The following CDH23 variants were observed in gnomAD, a reference collection of about 807,000 sequenced individuals.
The protein encoded by CDH23 is cadherin-23.
A neutral mutation model predicts 317.1 loss-of-function variants in CDH23; 189 were observed. The ratio of observed to expected loss-of-function variants is 0.60; its 90% CI spans 0.53 to 0.67. The LOEUF (loss-of-function observed/expected upper bound fraction) is 0.67, where lower values mean the gene tolerates loss of function less well. Ranked by LOEUF, CDH23 falls within the 30% of genes least tolerant of loss-of-function variation. The pLI is 0.00. For missense variants in CDH23, 4,401 were observed against 4,592.4 expected, an observed-to-expected ratio of 0.96 and a Z score of 1.20; for synonymous variants, 1,839 against 1,876.8, an observed-to-expected ratio of 0.98 and a Z score of 0.52.
At chr10:71,563,835 G>A (rs149082254) in intron 6 of CDH23, among the ~76,000 whole-genome samples, 60 of 149,122 alleles carry the variant, frequency 4.0e-4, no homozygotes, top group African/African-American at 1.4e-3. Context: ...TGCTACCTCC[G>A]CCTCCTGGGT....
chr10:71,589,701 C>T (rs1356482998), intron 9 of CDH23, among the ~76,000 whole-genome samples: 1 of 152,232 alleles, frequency 6.6e-6, no homozygotes, highest in African/African-American at 2.4e-5. Flanking sequence ...TTGCCACCCG[C>T]AGGGTAGGGT....
intron 22 of CDH23, among the ~76,000 whole-genome samples, chr10:71,701,599 C>T (rs1220883061): frequency 6.6e-6 from 1 of 152,112 alleles, no homozygotes; most frequent in South Asian, 2.1e-4. Flanking sequence ...TTCCTTAACA[C>T]TCCCCCAGCC....
intron 14 of CDH23, 181 bp downstream of exon 14, chr10:71,646,798 G>A: frequency 6.5e-7 from 1 of 1,539,796 alleles, no homozygotes; most frequent in Non-Finnish European, 8.8e-7. Context: ...GGGCTCCCTT[G>A]ACCTAGGTTG....
intron 9 of CDH23, among the ~76,000 whole-genome samples, chr10:71,588,174 T>A (rs1433885667): frequency 6.6e-6 from 1 of 152,170 alleles, no homozygotes; most frequent in Non-Finnish European, 1.5e-5. Flanking sequence ...ACAGCTCTGA[T>A]TCATGGCTTC....
chr10:71,617,559 C>T (rs190721824), intron 11 of CDH23, 166 bp downstream of exon 11: 2 of 1,463,078 alleles, frequency 1.4e-6, no homozygotes, highest in African/African-American at 2.8e-5. Context: ...TCACTAGTCT[C>T]TACTTTTGGA....
Position 71,793,402 on chromosome 10 carries a change from C to T in CDH23, c.6474C>T (p.Ala2158=). ...GCACCGTTCCTCTCTCGGGCACAGCCATTGTCACCATTCTGATCGATGACA... is the reference window on the plus strand; with the variant it reads ...GCACCGTTCCTCTCTCGGGCACAGCTATTGTCACCATTCTGATCGATGACA... ...DRGTVPLSGT[A]IVTILIDDIN... The change falls in exon 48 of 70, where the codon GCC becomes GCT. Residue 2158 remains alanine (A), a synonymous_variant. Coordinates refer to ENST00000224721, the MANE Select transcript of CDH23 (RefSeq NM_022124.6). The T allele has an allele frequency of 1.9e-6, 3 of 1,614,024 alleles. No individual in the cohort carries two copies. The South Asian group carries it at 3.3e-5, about 18-fold the overall frequency.
In CDH23 at chr10:71,811,754, G is replaced by T; in HGVS notation, c.9319+1G>T. The T allele has an allele frequency of 9.5e-6, 15 of 1,572,492 alleles. No individual in the cohort carries two copies. Among genetic ancestry groups the T allele is most frequent in the Non-Finnish European group, 1.3e-5 (15 of 1,159,366 alleles). On this transcript the variant is annotated splice_donor_variant, in intron 65 of 69. Coordinates refer to ENST00000224721, the MANE Select transcript of CDH23 (RefSeq NM_022124.6). LOFTEE classifies it high-confidence loss of function. ...AAGGCCATTGTGGCTGGCTCAGCTG[G>T]TAAGTGAGGGCCATAGTGGGGACAC...
At chr10:71,752,676 T>A (rs928440420) in intron 38 of CDH23, among the ~76,000 whole-genome samples, 28 of 152,124 alleles carry the variant, frequency 1.8e-4, no homozygotes, top group African/African-American at 6.5e-4. Flanking sequence ...CTCCTTTGCA[T>A]GTCTCACTGT....
chr10:71,486,493 CG>C (rs1852354509), intron 3 of CDH23, among the ~76,000 whole-genome samples: 1 of 151,682 alleles, frequency 6.6e-6, no homozygotes. Context: ...GACAGGGGCT[CG>C]AGGGGACACA....
At chr10:71,773,145 A>G (rs1840725500) in intron 38 of CDH23, among the ~76,000 whole-genome samples, 1 of 152,226 alleles carries the variant, frequency 6.6e-6, no homozygotes, top group South Asian at 2.1e-4. Flanking sequence ...CTGTCAGAGC[A>G]TGCAGATGTG....
intron 3 of CDH23, among the ~76,000 whole-genome samples, chr10:71,485,436 A>G (rs369520404): frequency 6.5e-4 from 99 of 152,344 alleles, no homozygotes; most frequent in Non-Finnish European, 1.2e-3. Flanking sequence ...GTCTTTGGCC[A>G]TCCGTCCTGC....
intron 8 of CDH23, among the ~76,000 whole-genome samples, chr10:71,577,177 T>C (rs1647503154): frequency 6.6e-6 from 1 of 152,228 alleles, no homozygotes; most frequent in South Asian, 2.1e-4. Flanking sequence ...TCTGCTCAGA[T>C]GTTCTTGACT....
intron 3 of CDH23, among the ~76,000 whole-genome samples, chr10:71,451,351 T>A (rs7917168): frequency 2.0e-5 from 3 of 151,992 alleles, no homozygotes; most frequent in East Asian, 3.9e-4. Flanking sequence ...TGCTCAAGTC[T>A]CTCCCTCCCA....
At chr10:71,722,090 C>T (rs557252178) in intron 28 of CDH23, among the ~76,000 whole-genome samples, 12 of 152,248 alleles carry the variant, frequency 7.9e-5, no homozygotes, top group African/African-American at 2.2e-4. Context: ...CAGTGAGCAA[C>T]GATAGGAAAG....
At position 71,500,018 on chromosome 10, in the gene CDH23, CAAAAAAA is replaced by C. The variant is rs34690494; in HGVS notation, c.146-10050_146-10044del. Among the ~76,000 whole-genome samples the C allele has an allele frequency of 9.4e-3, 891 of 94,858 alleles. 10 individuals are homozygous for C. Among genetic ancestry groups the C allele is most frequent in the African/African-American group, 0.032 (844 of 26,264 alleles). 62.2% of individuals were successfully genotyped at this position (94,858 alleles called of 152,430 possible). On this transcript the variant is annotated intron_variant, in intron 3 of 69. Coordinates refer to ENST00000224721, the MANE Select transcript of CDH23 (RefSeq NM_022124.6). ...TGGGTGACAGAGCGAGACTCCATCTCAAAAAAAAAAAAAAAAAAAAGGATAGTGCTGT... is the reference window on the plus strand; with the variant it reads ...TGGGTGACAGAGCGAGACTCCATCTCAAAAAAAAAAAAAGGATAGTGCTGT...
intron 28 of CDH23, chr10:71,715,809 G>C (rs1002922748): frequency 2.8e-5 from 26 of 913,980 alleles, no homozygotes; most frequent in East Asian, 1.9e-4. Context: ...AGGAGCTTCG[G>C]GGGGTGAGTG....
intron 14 of CDH23, among the ~76,000 whole-genome samples, chr10:71,658,740 G>C (rs1217335597): frequency 6.6e-6 from 1 of 152,174 alleles, no homozygotes; most frequent in African/African-American, 2.4e-5. Flanking sequence ...CAGCCAGTTA[G>C]TGACCAGCCA....
chr10:71,666,315 A>T (rs1863891877), intron 14 of CDH23, among the ~76,000 whole-genome samples: 1 of 148,762 alleles, frequency 6.7e-6, no homozygotes, highest in African/African-American at 2.5e-5. Flanking sequence ...CCTCCACCCC[A>T]CCGCTCACTC....
intron 3 of CDH23, among the ~76,000 whole-genome samples, chr10:71,478,598 T>C (rs1851910835): frequency 1.3e-5 from 2 of 152,228 alleles, no homozygotes; most frequent in South Asian, 4.1e-4. Context: ...CTCCAGGATC[T>C]GGTGCTGGTC....
Sources: gnomAD v4.1 joint callset for allele counts (sites outside exome capture counted in the v4.1 genomes callset) on GRCh38, gnomAD v4.1.1 for gene constraint, MANE v1.5 for transcripts, NCBI Gene and HGNC (gene_info 2026-07-23, HGNC 2026-07-21) for gene names.